The following FHIT variants were observed in gnomAD, a reference collection of about 807,000 sequenced individuals.
FHIT encodes fragile histidine triad diadenosine triphosphatase.
FHIT carries 19 observed loss-of-function variants against 17.9 expected under a neutral mutation model. The observed-to-expected ratio is 1.06, with a 90% CI of 0.74 to 1.56. FHIT has a LOEUF of 1.56. FHIT is among the 40% of genes most tolerant of loss of function. The pLI, the probability that FHIT is intolerant of heterozygous loss-of-function variation, is 0.00. For missense variants in FHIT, 248 were observed against 189.2 expected, an observed-to-expected ratio of 1.31 and a Z score of -1.82; for synonymous variants, 81 against 69.7, an observed-to-expected ratio of 1.16 and a Z score of -0.81.
chr3:60,631,714 T>C (rs1418857869), intron 4 of FHIT, among the ~76,000 whole-genome samples: 1 of 152,224 alleles, frequency 6.6e-6, no homozygotes, highest in Non-Finnish European at 1.5e-5. Flanking sequence ...ACCGCCACCA[T>C]ATGCTACCAT....
intron 1 of FHIT, among the ~76,000 whole-genome samples, chr3:61,204,668 T>C (rs964198215): frequency 1.3e-5 from 2 of 152,086 alleles, no homozygotes; most frequent in Non-Finnish European, 2.9e-5. Flanking sequence ...GTGTTGTTTA[T>C]AAGAAACAAA....
intron 3 of FHIT, among the ~76,000 whole-genome samples, chr3:60,876,679 C>A (rs1161652867): frequency 1.3e-5 from 2 of 152,158 alleles, no homozygotes; most frequent in African/African-American, 4.8e-5. Flanking sequence ...ACAAGATAAC[C>A]TGAGTTGCTC....
At chr3:60,731,603 C>T (rs558531122) in intron 4 of FHIT, among the ~76,000 whole-genome samples, 1 of 152,282 alleles carries the variant, frequency 6.6e-6, no homozygotes, top group Admixed American at 6.5e-5. Flanking sequence ...GCATGCTTCC[C>T]TTACCTATCA....
intron 5 of FHIT, among the ~76,000 whole-genome samples, chr3:60,126,569 T>C (rs576758689): frequency 9.9e-5 from 15 of 152,258 alleles, no homozygotes; most frequent in African/African-American, 3.6e-4. Flanking sequence ...ATCATCTCTG[T>C]TTTTCAAATC....
chr3:60,842,639 A>G (rs1372247601), intron 3 of FHIT, among the ~76,000 whole-genome samples: 2 of 43,408 alleles, frequency 4.6e-5, no homozygotes, highest in South Asian at 1.3e-3. Context: ...GTATATATAT[A>G]TATATATTTT....
intron 4 of FHIT, among the ~76,000 whole-genome samples, chr3:60,637,998 A>G (rs1197917725): frequency 2.0e-5 from 3 of 152,232 alleles, no homozygotes; most frequent in Non-Finnish European, 2.9e-5. Flanking sequence ...AGGGGCTCCC[A>G]CTGGCCAAGA....
chr3:60,335,864 C>T (rs1041466549), intron 5 of FHIT, among the ~76,000 whole-genome samples: 3 of 152,088 alleles, frequency 2.0e-5, no homozygotes, highest in African/African-American at 4.8e-5. Flanking sequence ...AAATGGTATG[C>T]TCCAAGTTAC....
At chr3:60,854,066 C>G (rs1366208804) in intron 3 of FHIT, among the ~76,000 whole-genome samples, 1 of 152,082 alleles carries the variant, frequency 6.6e-6, no homozygotes, top group Non-Finnish European at 1.5e-5. Context: ...TGTAAATGTT[C>G]AGATTCACCA....
rs545600067 is a variant in FHIT, at chr3:59,780,034, A to C, written c.349-27713T>G. Among the ~76,000 whole-genome samples, 12 of 152,320 alleles carry C rather than the reference A, an allele frequency of 7.9e-5. No individual in the cohort carries two copies. The South Asian group carries it at 2.5e-3, about 32-fold the overall frequency. The stretch of plus-strand genomic sequence containing the variant: ...GCCTGCCTCATAGTAGTTCCACGAA[A>C]GTCCATTTTACCCCTCTTCCCATAG... On this transcript the variant is annotated intron_variant, in intron 8 of 9. Transcript: ENST00000492590.
At chr3:60,672,874 C>CATGTGT (rs71092628) in intron 4 of FHIT, among the ~76,000 whole-genome samples, 1,501 of 139,548 alleles carry the variant, frequency 0.011, 38 homozygotes, top group African/African-American at 0.037. Flanking sequence ...CTCTTTGTAG[C>CATGTGT]GTGTGTGTGT....
chr3:60,516,882 G>A (rs1323586922), intron 5 of FHIT, among the ~76,000 whole-genome samples: 1 of 152,158 alleles, frequency 6.6e-6, no homozygotes, highest in Non-Finnish European at 1.5e-5. Flanking sequence ...AATTATAATA[G>A]GAGCTTCAGT....
intron 3 of FHIT, among the ~76,000 whole-genome samples, chr3:60,835,761 G>A (rs1169327922): frequency 1.3e-5 from 2 of 152,104 alleles, no homozygotes; most frequent in African/African-American, 4.8e-5. Flanking sequence ...GGGATGACAG[G>A]CATACACCAC....
intron 5 of FHIT, among the ~76,000 whole-genome samples, chr3:60,531,322 A>G (rs1576823411): frequency 8.0e-6 from 1 of 125,764 alleles, no homozygotes; most frequent in Admixed American, 1.0e-4. Context: ...TCTGTCGCCC[A>G]GGCTGGAGTG....
intron 2 of FHIT, among the ~76,000 whole-genome samples, chr3:61,198,317 G>A (rs1276692213): frequency 6.6e-6 from 1 of 152,130 alleles, no homozygotes; most frequent in African/African-American, 2.4e-5. Context: ...AGATCAGAAT[G>A]CCCACCTAGG....
chr3:60,617,056 A>T (rs2038973150), intron 4 of FHIT: 1 of 213,482 alleles, frequency 4.7e-6, no homozygotes, highest in Non-Finnish European at 1.0e-5. Flanking sequence ...CTGACATGGC[A>T]AAGAAACGAC....
intron 8 of FHIT, among the ~76,000 whole-genome samples, chr3:59,768,375 G>A (rs1453584671): frequency 6.6e-6 from 1 of 152,144 alleles, no homozygotes; most frequent in Non-Finnish European, 1.5e-5. Context: ...TCTCATGTGA[G>A]TAGGAGTTAT....
At chr3:60,900,455 A>G (rs1250887631) in intron 3 of FHIT, among the ~76,000 whole-genome samples, 1 of 151,748 alleles carries the variant, frequency 6.6e-6, no homozygotes, top group Non-Finnish European at 1.5e-5. Context: ...AGAAAAAAAA[A>G]AGAAAAATCC....
chr3:60,648,019 T>C (rs1163153507), intron 4 of FHIT, among the ~76,000 whole-genome samples: 1 of 152,096 alleles, frequency 6.6e-6, no homozygotes, highest in Non-Finnish European at 1.5e-5. Context: ...TGATAATGTC[T>C]CAATATGCAG....
intron 5 of FHIT, among the ~76,000 whole-genome samples, chr3:60,229,563 A>G (rs183949040): frequency 7.2e-5 from 11 of 152,320 alleles, no homozygotes; most frequent in Non-Finnish European, 1.5e-4. Context: ...ATAAAAGTAG[A>G]TATTTTTACC....
Sources: allele counts gnomAD v4.1 joint callset (sites outside exome capture counted in the v4.1 genomes callset), GRCh38; gene constraint gnomAD v4.1.1; transcripts MANE v1.5; gene names NCBI Gene and HGNC (gene_info 2026-07-23, HGNC 2026-07-21).